SMARCC1: variants seen among roughly 807,000 people sequenced by gnomAD.
The protein encoded by SMARCC1 is SWI/SNF related BAF chromatin remodeling complex subunit C1.
A neutral mutation model predicts 147.4 loss-of-function variants in SMARCC1; 43 were observed. The ratio of observed to expected loss-of-function variants is 0.29; its 90% CI spans 0.23 to 0.38. The LOEUF is 0.38. Among genes scored for constraint, SMARCC1 ranks in the 10% least tolerant of loss-of-function variants. SMARCC1 has a pLI of 1.00. For synonymous variants in SMARCC1, 495 were observed against 484.4 expected, an observed-to-expected ratio of 1.02 and a Z score of -0.29; for missense variants, 1,119 against 1,381.1, an observed-to-expected ratio of 0.81 and a Z score of 3.01.
In SMARCC1 at chr3:47,718,782, C is replaced by T. The variant is rs141609417; in HGVS notation, c.716+1884G>A. Among the ~76,000 whole-genome samples, 112 of 152,090 alleles carry T rather than the reference C, an allele frequency of 7.4e-4. 1 individual carries two copies. Among genetic ancestry groups the T allele is most frequent in the African/African-American group, 2.6e-3 (108 of 41,530 alleles). On this transcript the variant is annotated intron_variant, in intron 7 of 27. Coordinates refer to ENST00000254480, the MANE Select transcript of SMARCC1 (RefSeq NM_003074.4). The stretch of plus-strand genomic sequence containing the variant: ...CTGTAGAAAACACAATGAAAATCTC[C>T]ACTTTACATGACAAGAATGAAATAA...
At chr3:47,635,413 A>G in intron 23 of SMARCC1, 69 bp from the exon 24 acceptor site, 1 of 1,222,676 alleles carries the variant, frequency 8.2e-7, no homozygotes, top group Non-Finnish European at 1.1e-6. Flanking sequence ...CCTTACCTCC[A>G]CCACTATAAC....
intron 19 of SMARCC1, among the ~76,000 whole-genome samples, chr3:47,666,978 T>C (rs1290453989): frequency 1.3e-5 from 2 of 152,172 alleles, no homozygotes; most frequent in Non-Finnish European, 2.9e-5. Context: ...GGTTACTGAA[T>C]ATCTTCTAAT....
At position 47,781,863 on chromosome 3, in the gene SMARCC1, C is replaced by T; in HGVS notation, c.-66G>A. ...CCTCGCGGTGTTTCCCGGTCGTTCC[C>T]GCGCGCACCCCCGCGCGCGTAGCCG... is the stretch of plus-strand genomic sequence containing the variant. On this transcript the variant is annotated 5_prime_UTR_variant, in exon 1 of 28. Coordinates refer to ENST00000254480, the MANE Select transcript of SMARCC1 (RefSeq NM_003074.4). The T allele has an allele frequency of 2.7e-6, 3 of 1,124,658 alleles. No individual in the cohort carries two copies. The highest frequency in any genetic ancestry group is 3.4e-6 in the Non-Finnish European group (3 of 880,752). 69.7% of individuals were successfully genotyped at this position (1,124,658 alleles called of 1,614,324 possible).
chr3:47,712,941 T>C (rs571851844), intron 8 of SMARCC1, among the ~76,000 whole-genome samples: 43 of 152,258 alleles, frequency 2.8e-4, no homozygotes, highest in African/African-American at 1.0e-3. Context: ...CTTCACAACA[T>C]TACATGGCTC....
intron 5 of SMARCC1, among the ~76,000 whole-genome samples, chr3:47,735,339 A>T (rs1329207033): frequency 6.6e-6 from 1 of 152,170 alleles, no homozygotes; most frequent in Non-Finnish European, 1.5e-5. Flanking sequence ...GAGAGAAAAA[A>T]AACACTGGTA....
intron 7 of SMARCC1, among the ~76,000 whole-genome samples, chr3:47,718,712 A>T (rs1251550998): frequency 1.3e-5 from 2 of 151,882 alleles, no homozygotes; most frequent in East Asian, 3.9e-4. Context: ...AAATAAAATA[A>T]AAAAATAAAA....
chr3:47,730,966 T>C (rs1368210351), intron 5 of SMARCC1, among the ~76,000 whole-genome samples: 1 of 152,078 alleles, frequency 6.6e-6, no homozygotes. Flanking sequence ...AGCTGACTGA[T>C]CAAGGTGGTG....
intron 21 of SMARCC1, among the ~76,000 whole-genome samples, chr3:47,645,212 T>C (rs1468766531): frequency 6.6e-6 from 1 of 151,746 alleles, no homozygotes; most frequent in African/African-American, 2.4e-5. Flanking sequence ...GAAGGTCTCT[T>C]GATCCTAGGT....
intron 19 of SMARCC1, among the ~76,000 whole-genome samples, chr3:47,668,604 A>G (rs1353034891): frequency 6.6e-6 from 1 of 152,218 alleles, no homozygotes; most frequent in Non-Finnish European, 1.5e-5. Context: ...GGTCTTTTAA[A>G]AATCAAAGGG....
In SMARCC1 at chr3:47,780,168, G is replaced by GTTTTTTTT. The variant is rs10662354; in HGVS notation, c.195+1427_195+1434dup. Reference sequence around the variant, plus strand: ...ATTTCTGGGTCTTTGGTTTTTTTTTGTTTTTTTTTTTTTTTTTTTTTTGGA... The same window carrying GTTTTTTTT: ...ATTTCTGGGTCTTTGGTTTTTTTTTGTTTTTTTTTTTTTTTTTTTTTTTTTTTTTTGGA... On this transcript the variant is annotated intron_variant, in intron 1 of 27. Coordinates refer to ENST00000254480, the MANE Select transcript of SMARCC1 (RefSeq NM_003074.4). 2.1e-4 allele frequency among the ~76,000 whole-genome samples: 13 copies of GTTTTTTTT among 61,890 alleles called. 1 individual carries two copies. The highest frequency in any genetic ancestry group is 5.4e-4 in the East Asian group (1 of 1,862). 40.6% of individuals were successfully genotyped at this position (61,890 alleles called of 152,430 possible).
chr3:47,600,701 A>C (rs1250209037), intron 26 of SMARCC1, among the ~76,000 whole-genome samples: 2 of 152,184 alleles, frequency 1.3e-5, no homozygotes, highest in Non-Finnish European at 2.9e-5. Context: ...GAAATGGGGT[A>C]GAATTTAAGA....
chr3:47,763,843 C>T (rs977694253), intron 2 of SMARCC1, among the ~76,000 whole-genome samples: 1 of 151,736 alleles, frequency 6.6e-6, no homozygotes, highest in Non-Finnish European at 1.5e-5. Context: ...CTCAGCCTCC[C>T]AAAGTAGCTG....
intron 26 of SMARCC1, chr3:47,604,346 T>C (rs1001060765): frequency 4.4e-6 from 2 of 453,172 alleles, no homozygotes; most frequent in Non-Finnish European, 8.9e-6. Context: ...CCAACCTTAC[T>C]GGCATTCAGA....
chr3:47,725,716 T>G (rs920583249), intron 6 of SMARCC1, among the ~76,000 whole-genome samples: 2 of 151,066 alleles, frequency 1.3e-5, no homozygotes, highest in Non-Finnish European at 3.0e-5. Flanking sequence ...CATCCCAAAG[T>G]GCTGGGATTA....
At chr3:47,708,007 G>A (rs1023730882) in intron 9 of SMARCC1, among the ~76,000 whole-genome samples, 4 of 145,400 alleles carry the variant, frequency 2.8e-5, no homozygotes, top group African/African-American at 1.0e-4. Flanking sequence ...TTATGAGTAT[G>A]TAATAGCAGT....
At chr3:47,739,873 T>G (rs35148469) in intron 3 of SMARCC1, among the ~76,000 whole-genome samples, 91,596 of 151,972 alleles carry the variant, frequency 0.6, 28,970 homozygotes, top group East Asian at 0.72. Context: ...TAAGCCTATC[T>G]TCTTTCATGT....
intron 19 of SMARCC1, chr3:47,664,022 TCTC>T (rs1252861227): frequency 4.1e-6 from 3 of 732,562 alleles, no homozygotes; most frequent in Non-Finnish European, 6.6e-6. Context: ...TACTCCCTCC[TCTC>T]CTTTGAGAGG....
At chr3:47,645,017 T>C (rs554639840) in intron 21 of SMARCC1, among the ~76,000 whole-genome samples, 1 of 152,236 alleles carries the variant, frequency 6.6e-6, no homozygotes, top group East Asian at 1.9e-4. Context: ...GTCAATAATT[T>C]CTATCAACTC....
intron 24 of SMARCC1, among the ~76,000 whole-genome samples, chr3:47,628,953 C>A (rs1449345521): frequency 6.6e-6 from 1 of 152,130 alleles, no homozygotes; most frequent in East Asian, 1.9e-4. Flanking sequence ...GCCAAGACAG[C>A]CAATCACTGC....
Sources: gnomAD v4.1 joint callset for allele counts (sites outside exome capture counted in the v4.1 genomes callset) on GRCh38, gnomAD v4.1.1 for gene constraint, MANE v1.5 for transcripts, NCBI Gene and HGNC (gene_info 2026-07-23, HGNC 2026-07-21) for gene names.